The following CRACDL variants were observed in gnomAD, a reference collection of about 807,000 sequenced individuals.
CRACDL encodes the protein CRACD-like protein.
Under a neutral mutation model 70.6 loss-of-function variants are expected in CRACDL, and 26 were observed. That is an observed-to-expected ratio of 0.37 (90% CI 0.27 to 0.51). The LOEUF (loss-of-function observed/expected upper bound fraction) is 0.51, where lower values mean the gene tolerates loss of function less well. CRACDL is among the 20% of genes least tolerant of loss of function. CRACDL has a pLI of 0.94. For missense variants in CRACDL, 1,283 were observed against 1,376.9 expected (o/e 0.93, Z 1.08); for synonymous variants, 618 against 615.2 (o/e 1.00, Z -0.07).
At chr2:98,921,302 C>T (rs1438359316) in intron 1 of CRACDL, among the ~76,000 whole-genome samples, 1 of 152,246 alleles carries the variant, frequency 6.6e-6, no homozygotes, top group African/African-American at 2.4e-5. Context: ...AGGGCAGCCA[C>T]AAGTGGTGCC....
intron 7 of CRACDL, among the ~76,000 whole-genome samples, chr2:98,805,140 A>G (rs1036602568): frequency 1.3e-5 from 2 of 152,110 alleles, no homozygotes; most frequent in Admixed American, 6.5e-5. Flanking sequence ...GAGCCTGCTG[A>G]AAGGGGACAC....
chr2:98,910,975 G>C (rs1708533287), intron 1 of CRACDL, among the ~76,000 whole-genome samples: 1 of 152,216 alleles, frequency 6.6e-6, no homozygotes, highest in Non-Finnish European at 1.5e-5. Context: ...TGGGCACAGA[G>C]AATCAGAAAG....
chr2:98,859,862 A>G (rs889702699), intron 1 of CRACDL, among the ~76,000 whole-genome samples: 7 of 152,238 alleles, frequency 4.6e-5, no homozygotes, highest in Non-Finnish European at 8.8e-5. Flanking sequence ...GGAAAAAATT[A>G]AATTATTTCT....
chr2:98,868,236 C>T (rs1385132441), intron 1 of CRACDL, among the ~76,000 whole-genome samples: 2 of 152,316 alleles, frequency 1.3e-5, no homozygotes, highest in East Asian at 3.9e-4. Context: ...GGACTGTCTG[C>T]CCCAACTCCC....
chr2:98,832,661 C>T (rs1705593415), intron 4 of CRACDL, 149 bp from the exon 5 acceptor site: 1 of 1,009,354 alleles, frequency 9.9e-7, no homozygotes, highest in South Asian at 1.5e-5. Flanking sequence ...GCCACCAGCT[C>T]TTCCACTGCC....
At chr2:98,808,807 C>T (rs1173409256) in intron 7 of CRACDL, among the ~76,000 whole-genome samples, 1 of 152,236 alleles carries the variant, frequency 6.6e-6, no homozygotes, top group Non-Finnish European at 1.5e-5. Flanking sequence ...CTCAGCGCCC[C>T]CCACATAAGG....
At chr2:98,826,551 C>T (rs1705310280) in intron 6 of CRACDL, among the ~76,000 whole-genome samples, 1 of 152,174 alleles carries the variant, frequency 6.6e-6, no homozygotes, top group Non-Finnish European at 1.5e-5. Flanking sequence ...TGGGACACAG[C>T]AGCACCAAGG....
At chr2:98,799,942 C>T (rs955266385) in intron 7 of CRACDL, among the ~76,000 whole-genome samples, 1 of 152,224 alleles carries the variant, frequency 6.6e-6, no homozygotes, top group Non-Finnish European at 1.5e-5. Context: ...CCTGCTTGCT[C>T]CTGACCCTCA....
intron 1 of CRACDL, among the ~76,000 whole-genome samples, chr2:98,896,255 G>T (rs1708122232): frequency 6.6e-6 from 1 of 152,164 alleles, no homozygotes; most frequent in Non-Finnish European, 1.5e-5. Context: ...GAGAGTGGAT[G>T]GTGGAGTCCC....
chr2:98,908,086 G>A (rs1404668442), intron 1 of CRACDL, among the ~76,000 whole-genome samples: 1 of 152,232 alleles, frequency 6.6e-6, no homozygotes, highest in Admixed American at 6.5e-5. Context: ...AGCTGGAATG[G>A]GAGGATCTCA....
chr2:98,797,219 T>TC, intron 8 of CRACDL, 131 bp downstream of exon 8: 1 of 838,184 alleles, frequency 1.2e-6, no homozygotes, highest in Non-Finnish European at 1.9e-6. Flanking sequence ...CGACCACACA[T>TC]CCACAACCAT....
intron 1 of CRACDL, among the ~76,000 whole-genome samples, chr2:98,862,138 A>G (rs751344310): frequency 6.6e-6 from 1 of 152,156 alleles, no homozygotes; most frequent in Non-Finnish European, 1.5e-5. Context: ...AAGCAACTAC[A>G]TAAGGGGAGA....
chr2:98,926,739 G>A (rs1708916902), intron 1 of CRACDL, among the ~76,000 whole-genome samples: 1 of 152,210 alleles, frequency 6.6e-6, no homozygotes, highest in Non-Finnish European at 1.5e-5. Context: ...TTCATAAACC[G>A]AATGCGAATC....
chr2:98,854,316 CA>C (rs1321689957), intron 1 of CRACDL, among the ~76,000 whole-genome samples: 7 of 146,582 alleles, frequency 4.8e-5, no homozygotes, highest in African/African-American at 1.2e-4. Flanking sequence ...AAAAGAAAAC[CA>C]GATGGGATAC....
At chr2:98,824,484 A>G (rs931516238) in intron 6 of CRACDL, among the ~76,000 whole-genome samples, 10 of 152,000 alleles carry the variant, frequency 6.6e-5, no homozygotes, top group African/African-American at 1.2e-4. Flanking sequence ...ACTTCCTCCT[A>G]TTGTCACAAA....
intron 1 of CRACDL, among the ~76,000 whole-genome samples, chr2:98,879,414 G>A (rs1376559670): frequency 2.0e-5 from 3 of 152,138 alleles, no homozygotes; most frequent in Admixed American, 6.5e-5. Context: ...GGCCTGGTTC[G>A]ACATCAATAT....
intron 1 of CRACDL, among the ~76,000 whole-genome samples, chr2:98,847,173 C>T (rs1706296114): frequency 6.6e-6 from 1 of 152,196 alleles, no homozygotes; most frequent in African/African-American, 2.4e-5. Context: ...ATGAAAATCA[C>T]CCATAATCCA....
intron 2 of CRACDL, among the ~76,000 whole-genome samples, chr2:98,845,608 A>C (rs1482612587): frequency 6.6e-6 from 1 of 152,224 alleles, no homozygotes; most frequent in Non-Finnish European, 1.5e-5. Context: ...GAATAACTTA[A>C]GATCACTATT....
chr2:98,866,739 C>T (rs975815328), intron 1 of CRACDL, among the ~76,000 whole-genome samples: 6 of 151,622 alleles, frequency 4.0e-5, no homozygotes, highest in Non-Finnish European at 7.4e-5. Context: ...GGTGATCCCC[C>T]GCCTCAGCCT....
Sources: gnomAD v4.1 joint callset for allele counts (sites outside exome capture counted in the v4.1 genomes callset) on GRCh38, gnomAD v4.1.1 for gene constraint, MANE v1.5 for transcripts, NCBI Gene and HGNC (gene_info 2026-07-23, HGNC 2026-07-21) for gene names.